Variants in BPIFB3 observed in about 807,000 individuals in gnomAD.
BPIFB3 encodes the protein BPI fold-containing family B member 3.
Under a neutral mutation model 53.1 loss-of-function variants are expected in BPIFB3, and 49 were observed. The ratio of observed to expected loss-of-function variants is 0.92; its 90% CI spans 0.73 to 1.17. The LOEUF (loss-of-function observed/expected upper bound fraction) is 1.17. Among genes scored for constraint, BPIFB3 ranks in the 50% most tolerant of loss-of-function variants. The pLI is 0.00. For synonymous variants in BPIFB3, 271 were observed against 269.6 expected (o/e 1.01, Z -0.05); for missense variants, 628 against 592.5 (o/e 1.06, Z -0.62).
intron 2 of BPIFB3, among the ~76,000 whole-genome samples, 166 bp from the exon 4 acceptor site, chr20:33,059,212 A>G (rs1980337965): frequency 6.6e-6 from 1 of 151,980 alleles, no homozygotes; most frequent in African/African-American, 2.4e-5. Context: ...GCCCCACTTT[A>G]CAGATAAGGA....
Position 33,064,365 on chromosome 20 carries a change from C to G in BPIFB3, c.653-92C>G, listed in dbSNP as rs938542070. On this transcript the variant is annotated intron_variant, in intron 6 of 14. Transcript: ENST00000375494. ...AGTGAATGCTTAGTAGAGTGCTAGG[C>G]ATTCAGCAGACACTCAATAAATGGA... The G allele has an allele frequency of 6.0e-6, 6 of 1,007,730 alleles. No homozygotes were observed. In the African/African-American group the frequency reaches 9.5e-5, roughly 16 times the overall value. 62.4% of individuals were successfully genotyped at this position (1,007,730 alleles called of 1,614,324 possible).
chr20:33,060,661 C>T (rs1431199464), intron 4 of BPIFB3, among the ~76,000 whole-genome samples: 1 of 152,154 alleles, frequency 6.6e-6, no homozygotes, highest in East Asian at 1.9e-4. Context: ...CCTCTGCCTC[C>T]CGGCTTCATG....
rs199827585 is a variant in BPIFB3 at position 33,073,612 on chromosome 20, G to C, written c.*7G>C. On this transcript the variant is annotated 3_prime_UTR_variant, in exon 15 of 15. Transcript: ENST00000375494. ...GCTGACCGTGGCATCCTGAGGCTGA[G>C]ACATGGCCACCAGCCTTCCCTGTTG... The C allele has an allele frequency of 2.8e-4, 450 of 1,613,984 alleles. 3 individuals carry two copies. The African/African-American group carries it at 5.3e-3, about 19-fold the overall frequency.
At chr20:33,067,145 G>A (rs547687839) in intron 9 of BPIFB3, among the ~76,000 whole-genome samples, 156 of 152,340 alleles carry the variant, frequency 1.0e-3, no homozygotes, top group Non-Finnish European at 1.3e-3. Flanking sequence ...AAGGACAAAA[G>A]TCTTTTCAGG....
At chr20:33,054,451 G>A (rs557975030), upstream of BPIFB3, among the ~76,000 whole-genome samples, 13 of 152,294 alleles carry the variant, frequency 8.5e-5, no homozygotes, top group South Asian at 2.1e-3. Context: ...AGTGACAGAC[G>A]GATTTCTTTA....
At chr20:33,067,001 A>G in intron 9 of BPIFB3, 124 bp downstream of exon 10, 2 of 981,968 alleles carry the variant, frequency 2.0e-6, no homozygotes, top group Non-Finnish European at 3.1e-6. Context: ...GTCCAAATTC[A>G]CACTAAAGTG....
intron 8 of BPIFB3, 28 bp downstream of exon 9, chr20:33,064,873 TG>T: frequency 6.2e-7 from 1 of 1,601,862 alleles, no homozygotes; most frequent in Non-Finnish European, 8.5e-7. Context: ...GGGATGGGGA[TG>T]GGGGCTCCTT....
Position 33,059,369 on chromosome 20 carries a change from C to A in BPIFB3, c.282-9C>A. 1 of 1,604,792 alleles carries A rather than the reference C, an allele frequency of 6.2e-7. No homozygotes were observed. Among genetic ancestry groups the A allele is most frequent in the South Asian group, 1.1e-5 (1 of 89,180 alleles). On this transcript the variant is annotated splice_polypyrimidine_tract_variant and intron_variant, in intron 2 of 14. Transcript: ENST00000375494. ...GAGTGAGCAACCCTCTCCCTGACTC[C>A]CATCCTAGTCTGAAGATTGAGGAGC...
At chr20:33,059,536 C>T in intron 3 of BPIFB3, 54 bp downstream of exon 4, 3 of 1,286,988 alleles carry the variant, frequency 2.3e-6, no homozygotes, top group Non-Finnish European at 3.3e-6. Flanking sequence ...ACCCCCTGAC[C>T]TGTTGGAGAC....
intron 2 of BPIFB3, among the ~76,000 whole-genome samples, chr20:33,058,218 A>G (rs1980299100): frequency 6.6e-6 from 1 of 152,200 alleles, no homozygotes; most frequent in Non-Finnish European, 1.5e-5. Flanking sequence ...ACAGGAGGCA[A>G]TGGGGTACTG....
chr20:33,068,910 C>A lies in BPIFB3; in HGVS notation c.1086C>A (p.Ala362=). 1.9e-6 allele frequency: 3 copies of A among 1,614,078 alleles called. No homozygotes were observed. The East Asian group carries it at 6.7e-5, about 36-fold the overall frequency. ...AGAAGGCCTTGGTCTCCCTCCCAGC[C>A]AACATCCATGTGCTGTTCTATGTCC... The change falls in exon 10 of 15, where the codon GCC becomes GCA. Residue 362 remains alanine (A), a synonymous_variant. Coordinates refer to ENST00000375494, the Ensembl canonical transcript of BPIFB3.
At chr20:33,068,808 G>A (rs1980766813) in exon 10 of BPIFB3, 3 of 1,613,368 alleles carry the variant, frequency 1.9e-6, no homozygotes, top group Non-Finnish European at 2.5e-6. Context: ...TCCAGGCCCT[G>A]GGGAAGCTGC....
intron 12 of BPIFB3, 66 bp downstream of exon 13, chr20:33,071,361 G>C: frequency 1.3e-6 from 2 of 1,525,462 alleles, no homozygotes; most frequent in Non-Finnish European, 1.8e-6. Flanking sequence ...ATGGAAAGGG[G>C]GTGGCCATGA....
At chr20:33,055,595 G>A (rs1352803648) in intron 1 of BPIFB3, 48 bp downstream of exon 2, 5 of 1,610,692 alleles carry the variant, frequency 3.1e-6, no homozygotes, top group East Asian at 2.2e-5. Context: ...CAATGTCAAC[G>A]ACTCAATCTA....
At chr20:33,061,135 C>T (rs1980437023) in intron 4 of BPIFB3, among the ~76,000 whole-genome samples, 1 of 152,178 alleles carries the variant, frequency 6.6e-6, no homozygotes, top group South Asian at 2.1e-4. Context: ...GTGTTAGCTC[C>T]CAGGAACAGG....
At chr20:33,063,795 C>T in intron 6 of BPIFB3, 120 bp downstream of exon 7, 2 of 1,007,516 alleles carry the variant, frequency 2.0e-6, no homozygotes, top group Non-Finnish European at 2.9e-6. Context: ...TTAGTTCCTC[C>T]TCACACTGAC....
At chr20:33,065,251 A>C (rs1980622565) in intron 8 of BPIFB3, among the ~76,000 whole-genome samples, 1 of 152,160 alleles carries the variant, frequency 6.6e-6, no homozygotes, top group South Asian at 2.1e-4. Flanking sequence ...AGTGGGAGAA[A>C]AGAAAACTAG....
intron 4 of BPIFB3, 27 bp downstream of exon 5, chr20:33,060,058 C>A (rs6088084): frequency 0.39 from 625,389 of 1,610,048 alleles, 127,101 homozygotes; most frequent in East Asian, 0.8. Context: ...CAGCCTGCAA[C>A]CCTGACCCGC....
At chr20:33,056,572 T>C in exon 2 of BPIFB3, 2 of 1,614,008 alleles carry the variant, frequency 1.2e-6, no homozygotes, top group Non-Finnish European at 1.7e-6. Flanking sequence ...GGGGAGCCCA[T>C]TCTGCAGAAT....
Sources: gnomAD v4.1 joint callset for allele counts (sites outside exome capture counted in the v4.1 genomes callset) on GRCh38, gnomAD v4.1.1 for gene constraint, MANE v1.5 for transcripts, NCBI Gene and HGNC (gene_info 2026-07-23, HGNC 2026-07-21) for gene names.